SGCZ: variants seen among roughly 807,000 people sequenced by gnomAD.
SGCZ encodes the protein zeta-sarcoglycan.
A neutral mutation model predicts 41.3 loss-of-function variants in SGCZ; 40 were observed. The observed-to-expected ratio is 0.97, with a 90% CI of 0.75 to 1.26. SGCZ has a LOEUF of 1.26. Ranked by LOEUF, SGCZ falls within the 50% of genes most tolerant of loss-of-function variation. The pLI is 0.00. For missense variants in SGCZ, 552 were observed against 369.8 expected, an observed-to-expected ratio of 1.49 and a Z score of -4.04; for synonymous variants, 206 against 137.5, an observed-to-expected ratio of 1.50 and a Z score of -3.49.
chr8:14,195,700 C>A (rs1001392682), intron 4 of SGCZ, among the ~76,000 whole-genome samples: 11 of 152,030 alleles, frequency 7.2e-5, no homozygotes, highest in Non-Finnish European at 1.6e-4. Flanking sequence ...ATAAGGAAGG[C>A]AGCTGATTAA....
At chr8:14,584,619 G>T (rs1174779156) in intron 1 of SGCZ, among the ~76,000 whole-genome samples, 1 of 152,056 alleles carries the variant, frequency 6.6e-6, no homozygotes, top group Non-Finnish European at 1.5e-5. Context: ...GATGTCAAAA[G>T]TTAAAATAAA....
At chr8:14,713,238 C>G (rs527360433) in intron 1 of SGCZ, among the ~76,000 whole-genome samples, 111 of 152,182 alleles carry the variant, frequency 7.3e-4, no homozygotes, top group African/African-American at 2.6e-3. Flanking sequence ...CATGTCCAAG[C>G]GTATCAAAGT....
At chr8:15,148,820 T>C (rs547687344) in intron 1 of SGCZ, among the ~76,000 whole-genome samples, 4 of 152,266 alleles carry the variant, frequency 2.6e-5, no homozygotes, top group Non-Finnish European at 5.9e-5. Flanking sequence ...ACATATTAAC[T>C]GCCAGGAAAG....
At chr8:15,169,365 G>A (rs1799763136) in intron 1 of SGCZ, among the ~76,000 whole-genome samples, 1 of 152,196 alleles carries the variant, frequency 6.6e-6, no homozygotes, top group African/African-American at 2.4e-5. Context: ...GGAGGAGCCT[G>A]CCTCTTCCTG....
chr8:14,364,073 C>T (rs993397998), intron 2 of SGCZ, among the ~76,000 whole-genome samples: 2 of 152,114 alleles, frequency 1.3e-5, no homozygotes, highest in African/African-American at 4.8e-5. Flanking sequence ...AATAGATACT[C>T]TAATTTATTT....
chr8:14,815,096 C>A (rs1801862389), intron 1 of SGCZ, among the ~76,000 whole-genome samples: 1 of 152,120 alleles, frequency 6.6e-6, no homozygotes, highest in African/African-American at 2.4e-5. Flanking sequence ...AACATGACAT[C>A]CTGTCAAAAG....
chr8:14,510,628 A>C (rs1436490691), intron 2 of SGCZ, among the ~76,000 whole-genome samples: 1 of 152,172 alleles, frequency 6.6e-6, no homozygotes, highest in East Asian at 1.9e-4. Context: ...ATACATTGGT[A>C]GAACATCATG....
At chr8:14,597,682 G>A (rs1805458234) in intron 1 of SGCZ, among the ~76,000 whole-genome samples, 1 of 151,996 alleles carries the variant, frequency 6.6e-6, no homozygotes, top group Admixed American at 6.6e-5. Context: ...TTACCATGTT[G>A]GCCAGGCTGG....
intron 1 of SGCZ, among the ~76,000 whole-genome samples, chr8:14,927,102 CTTTTTTTT>C (rs71209091): frequency 1.2e-5 from 1 of 82,684 alleles, no homozygotes. Context: ...GTTCCTGATT[CTTTTTTTT>C]TTTTTTTTTT....
chr8:14,300,023 A>T (rs1341343110), intron 3 of SGCZ, among the ~76,000 whole-genome samples: 1 of 151,976 alleles, frequency 6.6e-6, no homozygotes, highest in East Asian at 1.9e-4. Flanking sequence ...AGAGTAGGCA[A>T]AATTGATCTA....
At chr8:14,846,775 G>A (rs1377644311) in intron 1 of SGCZ, among the ~76,000 whole-genome samples, 1 of 148,314 alleles carries the variant, frequency 6.7e-6, no homozygotes, top group East Asian at 2.0e-4. Flanking sequence ...CAGATAAGAA[G>A]AGAAGAATAC....
chr8:14,554,919 C>A lies in SGCZ; in HGVS notation c.47G>T (p.Arg16Leu), dbSNP rs868146652. Residue 16 changes from arginine to leucine, a missense_variant, in exon 2 of 8, where the codon CGA becomes CTA. Physicochemically the swap from Arg to Leu is moderately radical, Grantham distance 102. Transcript: ENST00000382080. ...TTGGGTTGCTAGTATGTATTGTTCTCGTGTCATCTGAAAAAGAAAAAAGAA... is the reference window on the plus strand; with the variant it reads ...TTGGGTTGCTAGTATGTATTGTTCTAGTGTCATCTGAAAAAGAAAAAAGAA... ...NLDIEELKMT[R>L]EQYILATQQN... The A allele has an allele frequency of 4.6e-6, 7 of 1,533,810 alleles. No homozygotes were observed. Among genetic ancestry groups the A allele is most frequent in the African/African-American group, 2.8e-5 (2 of 71,132 alleles).
rs78040928 is a variant in SGCZ at position 14,728,143 on chromosome 8, G to A, written c.40-173217C>T. ...ACTTTCTGGGGTGATAAATATGTTC[G>A]AAACTTTGTATGTGTAGGTATGTGC... is the stretch of plus-strand genomic sequence containing the variant. On this transcript the variant is annotated intron_variant, in intron 1 of 7. Transcript: ENST00000382080. Among the ~76,000 whole-genome samples, 1,247 of 152,174 alleles carry A rather than the reference G, an allele frequency of 8.2e-3. 17 individuals carry two copies. Among genetic ancestry groups the A allele is most frequent in the African/African-American group, 0.028 (1,175 of 41,520 alleles).
intron 1 of SGCZ, among the ~76,000 whole-genome samples, chr8:14,858,807 G>C (rs571664323): frequency 6.6e-6 from 1 of 152,018 alleles, no homozygotes; most frequent in Admixed American, 6.6e-5. Context: ...CAAAATGTCC[G>C]CTTTGTTAAA....
intron 3 of SGCZ, among the ~76,000 whole-genome samples, chr8:14,316,322 C>G (rs528878658): frequency 6.6e-6 from 1 of 152,058 alleles, no homozygotes; most frequent in Non-Finnish European, 1.5e-5. Flanking sequence ...AAGATTGCTA[C>G]CTCATGAACA....
chr8:14,307,575 A>G (rs117375617), intron 3 of SGCZ, among the ~76,000 whole-genome samples: 3,500 of 152,194 alleles, frequency 0.023, 74 homozygotes, highest in Middle Eastern at 0.085. Context: ...GGGCACTAAA[A>G]TTGCGGCATT....
chr8:14,999,812 G>A (rs778859561), intron 1 of SGCZ, among the ~76,000 whole-genome samples: 1 of 152,172 alleles, frequency 6.6e-6, no homozygotes, highest in Non-Finnish European at 1.5e-5. Context: ...GTAACCTAAA[G>A]ACAATCGCGG....
At chr8:14,878,995 A>T (rs1179005501) in intron 1 of SGCZ, 2 of 152,178 alleles carry the variant, frequency 1.3e-5, no homozygotes, top group African/African-American at 2.4e-5. Flanking sequence ...CTTGTAATCA[A>T]GAAGTTACAG....
intron 1 of SGCZ, among the ~76,000 whole-genome samples, chr8:15,073,883 T>C (rs1805437528): frequency 1.3e-5 from 2 of 152,168 alleles, no homozygotes; most frequent in Non-Finnish European, 2.9e-5. Context: ...TCCCCCACCA[T>C]GTGGTGGTAT....
Sources: allele counts gnomAD v4.1 joint callset (sites outside exome capture counted in the v4.1 genomes callset), GRCh38; gene constraint gnomAD v4.1.1; transcripts MANE v1.5; gene names NCBI Gene and HGNC (gene_info 2026-07-23, HGNC 2026-07-21).